The following GRIA1 variants were observed in gnomAD, a reference collection of about 807,000 sequenced individuals.
GRIA1 encodes the protein glutamate ionotropic receptor AMPA type subunit 1.
Under a neutral mutation model 99.2 loss-of-function variants are expected in GRIA1, and 31 were observed. The observed-to-expected ratio is 0.31, with a 90% confidence interval of 0.23 to 0.42. The LOEUF (loss-of-function observed/expected upper bound fraction) is 0.42, where lower values mean the gene tolerates loss of function less well. GRIA1 is among the 10% of genes least tolerant of loss of function. GRIA1 has a pLI of 1.00. For missense variants in GRIA1, 782 were observed against 1,157.5 expected, an observed-to-expected ratio of 0.68 and a Z score of 4.71; for synonymous variants, 438 against 432.4, an observed-to-expected ratio of 1.01 and a Z score of -0.16.
intron 2 of GRIA1, 132 bp from the exon 3 acceptor site, chr5:153,646,796 G>C: frequency 1.1e-6 from 1 of 929,190 alleles, no homozygotes; most frequent in Non-Finnish European, 1.7e-6. Context: ...TTGTTGGATG[G>C]GTAGATGGAT....
At chr5:153,521,850 A>G (rs966972844) in intron 2 of GRIA1, among the ~76,000 whole-genome samples, 4 of 152,212 alleles carry the variant, frequency 2.6e-5, no homozygotes, top group Non-Finnish European at 5.9e-5. Flanking sequence ...TTTATGTGTG[A>G]GTTGAGTGGC....
chr5:153,528,559 G>T (rs10071989), intron 2 of GRIA1, among the ~76,000 whole-genome samples: 1 of 152,100 alleles, frequency 6.6e-6, no homozygotes, highest in Non-Finnish European at 1.5e-5. Flanking sequence ...ACAAGAATTT[G>T]CATTTCTACC....
At chr5:153,570,624 A>C (rs1033658169) in intron 2 of GRIA1, among the ~76,000 whole-genome samples, 27 of 152,248 alleles carry the variant, frequency 1.8e-4, no homozygotes, top group African/African-American at 6.5e-4. Context: ...TAAGCAGATA[A>C]ATTTCTGATA....
At chr5:153,509,620 T>C (rs1046679206) in intron 2 of GRIA1, among the ~76,000 whole-genome samples, 1 of 152,180 alleles carries the variant, frequency 6.6e-6, no homozygotes, top group African/African-American at 2.4e-5. Context: ...GGCAATACAA[T>C]GGTTAAGAGC....
intron 2 of GRIA1, among the ~76,000 whole-genome samples, chr5:153,594,488 T>A (rs1167687282): frequency 6.6e-6 from 1 of 152,188 alleles, no homozygotes; most frequent in African/African-American, 2.4e-5. Flanking sequence ...GCTTTTTGAT[T>A]TTTCCTTCAT....
intron 11 of GRIA1, among the ~76,000 whole-genome samples, chr5:153,737,293 A>T (rs1246129287): frequency 6.4e-5 from 9 of 140,474 alleles, no homozygotes; most frequent in African/African-American, 2.6e-4. Flanking sequence ...ACCCCGGTAA[A>T]AAAAAAAAAA....
chr5:153,718,814 T>G (rs1434285946), intron 11 of GRIA1, among the ~76,000 whole-genome samples: 1 of 152,158 alleles, frequency 6.6e-6, no homozygotes, highest in Non-Finnish European at 1.5e-5. Flanking sequence ...GGCCCACCTC[T>G]GGCCAGAGGA....
intron 2 of GRIA1, among the ~76,000 whole-genome samples, chr5:153,560,103 C>A (rs72800788): frequency 0.13 from 20,012 of 152,146 alleles, 1,491 homozygotes; most frequent in South Asian, 0.24. Context: ...GGAAAATCCA[C>A]GGAAACTTGG....
At chr5:153,764,373 T>C in intron 11 of GRIA1, 61 bp from the exon 12 acceptor site, 3 of 1,329,308 alleles carry the variant, frequency 2.3e-6, no homozygotes, top group Non-Finnish European at 3.3e-6. Context: ...GCTCAGTCCC[T>C]CCCCAGAGCT....
chr5:153,704,347 C>A (rs561203691), intron 10 of GRIA1, among the ~76,000 whole-genome samples: 3 of 152,356 alleles, frequency 2.0e-5, no homozygotes, highest in Admixed American at 6.5e-5. Flanking sequence ...GCTATGGCAT[C>A]TCTCCATGGA....
chr5:153,641,916 G>A (rs928229070), intron 2 of GRIA1, among the ~76,000 whole-genome samples: 5 of 152,178 alleles, frequency 3.3e-5, no homozygotes, highest in African/African-American at 1.2e-4. Context: ...CAAAGTGGTT[G>A]GGGATGGGCT....
intron 2 of GRIA1, among the ~76,000 whole-genome samples, chr5:153,561,659 A>G (rs1009369673): frequency 6.6e-6 from 1 of 152,216 alleles, no homozygotes; most frequent in Non-Finnish European, 1.5e-5. Flanking sequence ...CAAGAATTAA[A>G]AAGTTAATTC....
At chr5:153,508,329 A>G (rs952186015) in intron 2 of GRIA1, among the ~76,000 whole-genome samples, 7 of 152,218 alleles carry the variant, frequency 4.6e-5, no homozygotes, top group African/African-American at 1.7e-4. Flanking sequence ...AGTGAGCATG[A>G]CTGAGGAACC....
chr5:153,499,549 A>G (rs2113227036), intron 2 of GRIA1, among the ~76,000 whole-genome samples: 1 of 133,174 alleles, frequency 7.5e-6, no homozygotes, highest in African/African-American at 2.8e-5. Flanking sequence ...CAGGAGGCAG[A>G]GGTTGCATTG....
chr5:153,684,156 T>G (rs1757185028), intron 7 of GRIA1, among the ~76,000 whole-genome samples: 2 of 152,150 alleles, frequency 1.3e-5, no homozygotes, highest in Non-Finnish European at 1.5e-5. Flanking sequence ...GCATCTCCCA[T>G]GTAAATAAAG....
intron 2 of GRIA1, among the ~76,000 whole-genome samples, chr5:153,530,471 T>C (rs1448493368): frequency 6.6e-6 from 1 of 152,348 alleles, no homozygotes; most frequent in East Asian, 1.9e-4. Flanking sequence ...ATCTTTTCTT[T>C]GTTTCCCCTC....
At chr5:153,512,118 T>A (rs72800727) in intron 2 of GRIA1, among the ~76,000 whole-genome samples, 4,615 of 152,258 alleles carry the variant, frequency 0.03, 95 homozygotes, top group Non-Finnish European at 0.048. Context: ...GAGGAGGAGA[T>A]GCTGAGATTC....
At position 153,756,146 on chromosome 5, in the gene GRIA1, C is replaced by G. The variant is rs536704138; in HGVS notation, c.1824-8288C>G. Among the ~76,000 whole-genome samples the G allele has an allele frequency of 3.0e-3, 453 of 152,334 alleles. 1 individual carries two copies. Among genetic ancestry groups the G allele is most frequent in the South Asian group, 5.4e-3 (26 of 4,826 alleles). On this transcript the variant is annotated intron_variant, in intron 11 of 15. Transcript: ENST00000285900. ...AGCTTATTAAAGCTTGCACAAGGAACCAGAGGGAAACTCACTCATACCTCA... is the reference window on the plus strand; with the variant it reads ...AGCTTATTAAAGCTTGCACAAGGAAGCAGAGGGAAACTCACTCATACCTCA...
chr5:153,685,824 T>A (rs919250345), intron 7 of GRIA1, among the ~76,000 whole-genome samples: 2 of 152,226 alleles, frequency 1.3e-5, no homozygotes, highest in African/African-American at 4.8e-5. Flanking sequence ...GACTCATTAG[T>A]GATGGTGCAC....
Sources: allele counts gnomAD v4.1 joint callset (sites outside exome capture counted in the v4.1 genomes callset), GRCh38; gene constraint gnomAD v4.1.1; transcripts MANE v1.5; gene names NCBI Gene and HGNC (gene_info 2026-07-23, HGNC 2026-07-21).